SSBP2: variants seen among roughly 807,000 people sequenced by gnomAD.
The protein encoded by SSBP2 is single-stranded DNA-binding protein 2.
A neutral mutation model predicts 61.8 loss-of-function variants in SSBP2; 17 were observed. The ratio of observed to expected loss-of-function variants is 0.28; its 90% confidence interval spans 0.19 to 0.41. The LOEUF (loss-of-function observed/expected upper bound fraction) is 0.41. Ranked by LOEUF, SSBP2 falls within the 10% of genes least tolerant of loss-of-function variation. The pLI, the probability that SSBP2 is intolerant of heterozygous loss-of-function variation, is 1.00. For missense variants in SSBP2, 310 were observed against 458.7 expected (o/e 0.68, Z 2.96); for synonymous variants, 139 against 141.3 (o/e 0.98, Z 0.12).
At chr5:81,669,384 C>G (rs1020158951) in intron 1 of SSBP2, among the ~76,000 whole-genome samples, 1 of 152,118 alleles carries the variant, frequency 6.6e-6, no homozygotes, top group Non-Finnish European at 1.5e-5. Flanking sequence ...AGATGTTTGG[C>G]AACTTTATTC....
Position 81,608,345 on chromosome 5 carries a change from C to T in SSBP2, c.282+7128G>A, listed in dbSNP as rs77780035. On this transcript the variant is annotated intron_variant, in intron 4 of 16. Coordinates refer to ENST00000320672, the MANE Select transcript of SSBP2 (RefSeq NM_012446.5). ...TTTAATTCAGGGGCTGAATTTTCAG[C>T]GTATATCAACACTATTAGAATAGCC... Among the ~76,000 whole-genome samples, 1,393 of 152,186 alleles carry T rather than the reference C, an allele frequency of 9.2e-3. 10 individuals carry two copies. The highest frequency in any genetic ancestry group is 0.015 in the Non-Finnish European group (1,006 of 67,992).
intron 4 of SSBP2, among the ~76,000 whole-genome samples, chr5:81,577,881 G>A (rs1335793472): frequency 1.3e-5 from 2 of 151,828 alleles, no homozygotes; most frequent in Admixed American, 6.6e-5. Flanking sequence ...TAGACATAGC[G>A]GCTAACATTA....
chr5:81,503,530 G>A (rs947920556), intron 5 of SSBP2, among the ~76,000 whole-genome samples: 10 of 152,194 alleles, frequency 6.6e-5, no homozygotes, highest in African/African-American at 2.4e-4. Context: ...CACCCTGTTG[G>A]TGGGAGTGCA....
intron 10 of SSBP2, among the ~76,000 whole-genome samples, chr5:81,455,244 T>G (rs546034664): frequency 6.6e-6 from 1 of 152,306 alleles, no homozygotes; most frequent in African/African-American, 2.4e-5. Flanking sequence ...CTAGCTCAGT[T>G]GTGTTATTCC....
intron 2 of SSBP2, among the ~76,000 whole-genome samples, chr5:81,644,984 A>G (rs1232498480): frequency 6.6e-6 from 1 of 152,246 alleles, no homozygotes; most frequent in African/African-American, 2.4e-5. Flanking sequence ...TGTTTAAATA[A>G]GAAACTATAC....
chr5:81,565,051 G>C (rs917885697), intron 4 of SSBP2, among the ~76,000 whole-genome samples: 1 of 152,140 alleles, frequency 6.6e-6, no homozygotes, highest in African/African-American at 2.4e-5. Context: ...AAAGCATTAC[G>C]CATAGTCTTC....
intron 1 of SSBP2, among the ~76,000 whole-genome samples, chr5:81,667,671 G>A (rs374773347): frequency 2.0e-5 from 3 of 152,024 alleles, no homozygotes; most frequent in East Asian, 1.9e-4. Flanking sequence ...AAAAAAAGGC[G>A]ATACTAGGAA....
At chr5:81,672,090 T>C (rs1170228275) in intron 1 of SSBP2, among the ~76,000 whole-genome samples, 3 of 152,198 alleles carry the variant, frequency 2.0e-5, no homozygotes, top group Non-Finnish European at 4.4e-5. Context: ...CATTATATTA[T>C]TTTTACTACA....
At chr5:81,666,484 G>C (rs1751147421) in intron 1 of SSBP2, among the ~76,000 whole-genome samples, 1 of 152,122 alleles carries the variant, frequency 6.6e-6, no homozygotes, top group Admixed American at 6.6e-5. Flanking sequence ...AAATAATTTG[G>C]TGTGGCCAGA....
rs1761290215 is a variant in SSBP2, at chr5:81,415,920, A to AG, written c.*4583_*4584insC. 2 of 144,206 alleles carry AG rather than the reference A, an allele frequency of 1.4e-5. No individual in the cohort carries two copies. The highest frequency in any genetic ancestry group is 2.7e-5 in the African/African-American group (1 of 37,004). The allele number at this position is 144,206 out of a possible 1,614,324, so 8.9% of individuals were successfully genotyped here. Reference sequence around the variant, plus strand: ...GAGCAAGATTCTGACTCAAAAAAAAAAAAAAAAAAGAGGAAAACCTGATCA... The same window carrying AG: ...GAGCAAGATTCTGACTCAAAAAAAAAGAAAAAAAAAGAGGAAAACCTGATCA... On this transcript the variant is annotated 3_prime_UTR_variant, in exon 17 of 17. Coordinates refer to ENST00000320672, the MANE Select transcript of SSBP2 (RefSeq NM_012446.5).
intron 1 of SSBP2, among the ~76,000 whole-genome samples, chr5:81,652,265 C>T (rs993660238): frequency 4.6e-5 from 7 of 152,172 alleles, no homozygotes; most frequent in East Asian, 1.9e-4. Flanking sequence ...CTCCTTGTAA[C>T]GTCTTCTTTT....
At chr5:81,751,270 C>T (rs1250040222), upstream of SSBP2, 1 of 577,948 alleles carries the variant, frequency 1.7e-6, no homozygotes, top group East Asian at 2.9e-5. Context: ...GCAGTCTCCT[C>T]CCTCCTTCCC....
chr5:81,448,309 A>G (rs1309357297), intron 11 of SSBP2, among the ~76,000 whole-genome samples: 1 of 152,210 alleles, frequency 6.6e-6, no homozygotes, highest in Non-Finnish European at 1.5e-5. Flanking sequence ...AATGATAAAA[A>G]TAAGTGTTCT....
chr5:81,502,814 T>C (rs977859907), intron 5 of SSBP2, among the ~76,000 whole-genome samples: 1 of 152,184 alleles, frequency 6.6e-6, no homozygotes, highest in Non-Finnish European at 1.5e-5. Context: ...AATTGACAAA[T>C]GGCATCTAAT....
chr5:81,653,998 GT>G (rs144058292), intron 1 of SSBP2, among the ~76,000 whole-genome samples: 12 of 146,372 alleles, frequency 8.2e-5, no homozygotes, highest in Admixed American at 6.8e-5. Flanking sequence ...TTTTTGTTTT[GT>G]TTTTTTTTTT....
intron 1 of SSBP2, among the ~76,000 whole-genome samples, chr5:81,715,921 G>T (rs1755136934): frequency 6.6e-6 from 1 of 152,060 alleles, no homozygotes; most frequent in Non-Finnish European, 1.5e-5. Context: ...AGCTGAGCAT[G>T]GTAGTGTGAG....
Position 81,488,964 on chromosome 5 carries a change from C to T in SSBP2, c.432+286G>A, listed in dbSNP as rs532592158. Among the ~76,000 whole-genome samples the T allele has an allele frequency of 3.9e-5, 6 of 152,052 alleles. No individual in the cohort carries two copies. The East Asian group carries it at 7.7e-4, about 20-fold the overall frequency. On this transcript the variant is annotated intron_variant, in intron 6 of 16. Coordinates refer to ENST00000320672, the MANE Select transcript of SSBP2 (RefSeq NM_012446.5). ...CAAATAGTAAATATTTTAGGGTTGCCGGCCACATATGGTCTCTGCCATGAC... is the reference window on the plus strand; with the variant it reads ...CAAATAGTAAATATTTTAGGGTTGCTGGCCACATATGGTCTCTGCCATGAC...
At chr5:81,465,668 T>G (rs755415342) in intron 9 of SSBP2, among the ~76,000 whole-genome samples, 52 of 152,060 alleles carry the variant, frequency 3.4e-4, no homozygotes, top group Middle Eastern at 3.2e-3. Context: ...AATCTGCATT[T>G]TAAAGTAAGA....
intron 6 of SSBP2, among the ~76,000 whole-genome samples, chr5:81,476,003 T>A (rs1765563483): frequency 6.6e-6 from 1 of 152,104 alleles, no homozygotes; most frequent in African/African-American, 2.4e-5. Context: ...CACAAAGAAT[T>A]TCCAAATACC....
Sources: allele counts gnomAD v4.1 joint callset (sites outside exome capture counted in the v4.1 genomes callset), GRCh38; gene constraint gnomAD v4.1.1; transcripts MANE v1.5; gene names NCBI Gene and HGNC (gene_info 2026-07-23, HGNC 2026-07-21).